The following SEC23A variants were observed in gnomAD, a reference collection of about 807,000 sequenced individuals.
The protein encoded by SEC23A is SEC23 homolog A, COPII component, also known as protein transport protein Sec23A.
SEC23A carries 56 observed loss-of-function variants against 103.7 expected under a neutral mutation model. The ratio of observed to expected loss-of-function variants is 0.54; its 90% CI spans 0.44 to 0.67. The LOEUF (loss-of-function observed/expected upper bound fraction) is 0.67, where lower values mean the gene tolerates loss of function less well. SEC23A is among the 30% of genes least tolerant of loss of function. The pLI is 0.00. For synonymous variants in SEC23A, 281 were observed against 293.0 expected, an observed-to-expected ratio of 0.96 and a Z score of 0.42; for missense variants, 784 against 936.4, an observed-to-expected ratio of 0.84 and a Z score of 2.12.
chr14:39,095,757 GCTCT>G, intron 2 of SEC23A, 137 bp downstream of exon 2: 1 of 672,632 alleles, frequency 1.5e-6, no homozygotes, highest in Non-Finnish European at 2.5e-6. Flanking sequence ...AAATTTTACA[GCTCT>G]CTGGATTGTT....
At chr14:39,038,491 A>G (rs779586037) in intron 19 of SEC23A, among the ~76,000 whole-genome samples, 6 of 152,170 alleles carry the variant, frequency 3.9e-5, no homozygotes, top group Non-Finnish European at 7.4e-5. Context: ...ATAAATGTTG[A>G]TATGTTATAC....
At chr14:39,057,484 G>A (rs188701764) in intron 13 of SEC23A, among the ~76,000 whole-genome samples, 85 of 152,050 alleles carry the variant, frequency 5.6e-4, no homozygotes, top group African/African-American at 2.0e-3. Context: ...TCCCACCTCC[G>A]CCTTCTGAGC....
At chr14:39,038,513 C>T (rs574547101) in intron 19 of SEC23A, among the ~76,000 whole-genome samples, 4 of 151,970 alleles carry the variant, frequency 2.6e-5, no homozygotes, top group Admixed American at 2.0e-4. Context: ...AAGAGGTTAA[C>T]ACTTTTTTTT....
chr14:39,054,673 G>A (rs577458102), intron 14 of SEC23A, among the ~76,000 whole-genome samples: 59 of 152,180 alleles, frequency 3.9e-4, no homozygotes, highest in African/African-American at 1.1e-3. Context: ...TCGCCATGTT[G>A]CCCAGGCTGA....
chr14:39,040,565 T>C, intron 18 of SEC23A, 167 bp downstream of exon 18: 2 of 773,498 alleles, frequency 2.6e-6, no homozygotes, highest in Non-Finnish European at 4.3e-6. Context: ...CTTACTGTTT[T>C]GCTCTCAAAA....
chr14:39,055,410 A>ATTTT (rs11301994), intron 13 of SEC23A, 114 bp from the exon 14 acceptor site: 405 of 816,252 alleles, frequency 5.0e-4, no homozygotes, highest in Non-Finnish European at 6.1e-4. Flanking sequence ...AACTACTAGG[A>ATTTT]TTTTTTTTTT....
intron 17 of SEC23A, among the ~76,000 whole-genome samples, chr14:39,042,239 T>C (rs931949726): frequency 1.8e-4 from 27 of 152,328 alleles, no homozygotes; most frequent in African/African-American, 5.3e-4. Context: ...CACTTAACAA[T>C]TGGCTGAATG....
At chr14:39,040,571 C>T in intron 18 of SEC23A, 161 bp downstream of exon 18, 2 of 850,498 alleles carry the variant, frequency 2.4e-6, no homozygotes, top group Admixed American at 2.0e-5. Context: ...GTTTTGCTCT[C>T]AAAAGCTAAT....
At chr14:39,042,313 ATCT>A (rs1364532377) in intron 17 of SEC23A, among the ~76,000 whole-genome samples, 2 of 152,248 alleles carry the variant, frequency 1.3e-5, no homozygotes, top group Admixed American at 6.5e-5. Flanking sequence ...AGCTACTAAA[ATCT>A]TCTGCTCTCT....
chr14:39,072,611 C>T (rs1448691794), intron 9 of SEC23A, among the ~76,000 whole-genome samples: 1 of 151,986 alleles, frequency 6.6e-6, no homozygotes, highest in Non-Finnish European at 1.5e-5. Context: ...GAGTTCGAGA[C>T]CAGCCTGGGC....
At chr14:39,053,411 A>G (rs908827707) in intron 14 of SEC23A, among the ~76,000 whole-genome samples, 1 of 152,192 alleles carries the variant, frequency 6.6e-6, no homozygotes, top group Non-Finnish European at 1.5e-5. Flanking sequence ...ATTTAATGTT[A>G]TATCTATCTG....
intron 7 of SEC23A, among the ~76,000 whole-genome samples, chr14:39,080,746 T>C (rs772286917): frequency 1.3e-5 from 2 of 152,134 alleles, no homozygotes; most frequent in African/African-American, 2.4e-5. Flanking sequence ...ACAAAACTAC[T>C]ATTTAAAGCT....
chr14:39,067,669 T>C (rs1209615649), intron 9 of SEC23A, among the ~76,000 whole-genome samples: 2 of 85,492 alleles, frequency 2.3e-5, no homozygotes, highest in Non-Finnish European at 5.7e-5. Context: ...GCATTCTCTT[T>C]TTTTTTTTTT....
intron 15 of SEC23A, among the ~76,000 whole-genome samples, chr14:39,048,354 T>A (rs1258267569): frequency 6.6e-6 from 1 of 151,914 alleles, no homozygotes; most frequent in Admixed American, 6.6e-5. Flanking sequence ...TGTCTGGATG[T>A]GGCAATCTTA....
intron 1 of SEC23A, among the ~76,000 whole-genome samples, chr14:39,098,340 A>G (rs1213585883): frequency 1.3e-5 from 2 of 152,186 alleles, no homozygotes; most frequent in East Asian, 3.8e-4. Flanking sequence ...TGATGTGAAT[A>G]TAAATTCTAA....
Position 39,045,170 on chromosome 14 carries a change from G to A in SEC23A, c.1892C>T (p.Pro631Leu). Residue 631 changes from proline (P) to leucine (L), a missense_variant, in exon 16 of 20, where the codon CCA (proline) becomes CTA (leucine). Coordinates refer to ENST00000307712, the MANE Select transcript of SEC23A (RefSeq NM_006364.4). Reference protein sequence around the residue: ...PILYAYSFSGPPEPVLLDSSS... With the variant: ...PILYAYSFSGLPEPVLLDSSS... ...TTTTTCTGTCCCTCTTACCTCTGGT[G>A]GTCCACTAAAAGAATACGCATACAG... 2 of 1,613,098 alleles carry A rather than the reference G, an allele frequency of 1.2e-6. No individual in the cohort carries two copies. Among genetic ancestry groups the A allele is most frequent in the Non-Finnish European group, 8.5e-7 (1 of 1,179,536 alleles).
At chr14:39,090,361 A>G (rs1887615370) in intron 5 of SEC23A, among the ~76,000 whole-genome samples, 1 of 152,088 alleles carries the variant, frequency 6.6e-6, no homozygotes. Context: ...CCCCAATACA[A>G]ACAGACATTC....
intron 3 of SEC23A, chr14:39,092,889 A>T: frequency 2.0e-6 from 1 of 497,458 alleles, no homozygotes; most frequent in South Asian, 2.3e-5. Flanking sequence ...TTTGAGACGG[A>T]GTCTTGCTCT....
At chr14:39,093,100 C>T in intron 3 of SEC23A, 87 bp downstream of exon 3, 1 of 1,040,556 alleles carries the variant, frequency 9.6e-7, no homozygotes. Flanking sequence ...ATCTCCTGAC[C>T]TCGTGATCCA....
Sources: gnomAD v4.1 joint callset for allele counts (sites outside exome capture counted in the v4.1 genomes callset) on GRCh38, gnomAD v4.1.1 for gene constraint, MANE v1.5 for transcripts, NCBI Gene and HGNC (gene_info 2026-07-23, HGNC 2026-07-21) for gene names.